The following NTNG2 variants were observed in gnomAD, a reference collection of about 807,000 sequenced individuals.
The protein encoded by NTNG2 is netrin G2, also known as netrin-G2.
Under a neutral mutation model 47.6 loss-of-function variants are expected in NTNG2, and 15 were observed. The observed-to-expected ratio is 0.32, with a 90% CI of 0.21 to 0.49. NTNG2 has a LOEUF of 0.49. NTNG2 is among the 20% of genes least tolerant of loss of function. NTNG2 has a pLI of 0.99. For missense variants in NTNG2, 578 were observed against 764.6 expected (o/e 0.76, Z 2.88); for synonymous variants, 307 against 324.6 (o/e 0.95, Z 0.58).
intron 2 of NTNG2, among the ~76,000 whole-genome samples, chr9:132,191,064 C>G (rs577036966): frequency 1.3e-5 from 2 of 152,328 alleles, no homozygotes; most frequent in African/African-American, 4.8e-5. Context: ...AGTGTCTTAT[C>G]TGAGACGTGG....
At chr9:132,170,312 C>G (rs1465554217) in intron 2 of NTNG2, among the ~76,000 whole-genome samples, 1 of 152,206 alleles carries the variant, frequency 6.6e-6, no homozygotes, top group African/African-American at 2.4e-5. Flanking sequence ...CCTATTGGCT[C>G]TAAATGCACA....
intron 3 of NTNG2, among the ~76,000 whole-genome samples, chr9:132,199,371 A>G (rs761967967): frequency 2.0e-5 from 3 of 152,214 alleles, no homozygotes; most frequent in Non-Finnish European, 4.4e-5. Flanking sequence ...ATTACAATGA[A>G]GGATACAGAT....
chr9:132,198,599 G>T lies in NTNG2; in HGVS notation c.847G>T (p.Val283Phe), dbSNP rs1176109708. The change falls in exon 3 of 8, where the codon GTC becomes TTC. Residue 283 changes from valine (V) to phenylalanine (F), a missense_variant. Transcript: ENST00000393229. Reference sequence around the variant, plus strand: ...CTTCTACGCCATCTCCAACATCGAGGTCATCGGCAGGTAAGGCCGGGGGAA... The same window carrying T: ...CTTCTACGCCATCTCCAACATCGAGTTCATCGGCAGGTAAGGCCGGGGGAA... The part of the protein sequence containing the change: ...KYFYAISNIE[V>F]IGRCKCNLHA... 1 of 1,606,342 alleles carries T rather than the reference G, an allele frequency of 6.2e-7. No homozygotes were observed. Among genetic ancestry groups the T allele is most frequent in the South Asian group, 1.1e-5 (1 of 90,924 alleles).
chr9:132,204,717 T>G (rs1427035282), intron 3 of NTNG2, among the ~76,000 whole-genome samples: 1 of 152,122 alleles, frequency 6.6e-6, no homozygotes, highest in Admixed American at 6.5e-5. Context: ...CCTCATTAAG[T>G]CCTATCCTGT....
At chr9:132,229,061 A>T (rs2130953690) in intron 4 of NTNG2, among the ~76,000 whole-genome samples, 1 of 150,756 alleles carries the variant, frequency 6.6e-6, no homozygotes, top group South Asian at 2.1e-4. Flanking sequence ...CTTAGGGGAG[A>T]CTCCTGAGCT....
chr9:132,172,903 G>C (rs1836039446), intron 2 of NTNG2, among the ~76,000 whole-genome samples: 1 of 151,906 alleles, frequency 6.6e-6, no homozygotes, highest in African/African-American at 2.4e-5. Context: ...CTAATTTTTT[G>C]TATTTTTAGT....
At chr9:132,241,518 CAGAG>C (rs970051711) in intron 7 of NTNG2, 51 of 342,648 alleles carry the variant, frequency 1.5e-4, no homozygotes, top group East Asian at 1.3e-3. Flanking sequence ...TTTGCGGGGA[CAGAG>C]GGAGGGAGGC....
intron 3 of NTNG2, among the ~76,000 whole-genome samples, chr9:132,206,667 A>G (rs1839190180): frequency 6.6e-6 from 1 of 152,244 alleles, no homozygotes; most frequent in East Asian, 1.9e-4. Context: ...ACTCCGTCTC[A>G]AAAAAATAAA....
intron 5 of NTNG2, among the ~76,000 whole-genome samples, chr9:132,234,066 C>A (rs1235076321): frequency 6.8e-6 from 1 of 146,584 alleles, no homozygotes; most frequent in Non-Finnish European, 1.5e-5. Flanking sequence ...TCGCTCTTGT[C>A]GCTGAGGCTG....
chr9:132,214,560 A>G (rs554716855), intron 3 of NTNG2, among the ~76,000 whole-genome samples: 4 of 152,324 alleles, frequency 2.6e-5, no homozygotes, highest in African/African-American at 9.6e-5. Flanking sequence ...CATTCAAGAA[A>G]AAGGGAAACT....
intron 2 of NTNG2, among the ~76,000 whole-genome samples, chr9:132,195,307 C>T (rs891300923): frequency 5.4e-5 from 8 of 149,090 alleles, no homozygotes; most frequent in African/African-American, 7.4e-5. Flanking sequence ...TTTTTGTTTT[C>T]GTTTTTGTTT....
intron 3 of NTNG2, among the ~76,000 whole-genome samples, chr9:132,217,572 AGAG>A (rs1055854300): frequency 2.0e-5 from 3 of 152,226 alleles, no homozygotes; most frequent in African/African-American, 7.2e-5. Flanking sequence ...GTTCCTGTGA[AGAG>A]GTGATAACTT....
intron 2 of NTNG2, among the ~76,000 whole-genome samples, chr9:132,172,854 C>A (rs1481826024): frequency 1.3e-5 from 2 of 151,940 alleles, no homozygotes; most frequent in African/African-American, 2.4e-5. Flanking sequence ...CTCAGCCTCC[C>A]CAGTAGCTGG....
At chr9:132,233,294 C>T (rs951338226) in intron 5 of NTNG2, 1 of 152,160 alleles carries the variant, frequency 6.6e-6, no homozygotes, top group African/African-American at 2.4e-5. Context: ...TGCACACACA[C>T]ACATGCATGC....
At position 132,163,516 on chromosome 9, in the gene NTNG2, C is replaced by T. The variant is rs1019154335; in HGVS notation, c.-484+1277C>T. On this transcript the variant is annotated intron_variant, in intron 1 of 7. Coordinates refer to ENST00000393229, the MANE Select transcript of NTNG2 (RefSeq NM_032536.4). The surrounding 1 kb of genome is among the most constrained non-coding windows in gnomAD (Gnocchi z 7.2). ...GCAGAGGACGGGAAGGTGACCCCGC[C>T]GGCCAAGCTCCCTTTCCCTCCCGGC... Among the ~76,000 whole-genome samples the T allele has an allele frequency of 4.6e-5, 7 of 152,240 alleles. No individual in the cohort carries two copies. The highest frequency in any genetic ancestry group is 7.2e-5 in the African/African-American group (3 of 41,550).
intron 5 of NTNG2, chr9:132,233,025 G>A (rs1186902388): frequency 6.6e-6 from 1 of 152,250 alleles, no homozygotes; most frequent in Admixed American, 6.5e-5. Flanking sequence ...AGGAGGCAGG[G>A]GCTAGCCAAA....
intron 4 of NTNG2, 61 bp from the exon 5 acceptor site, chr9:132,230,511 G>A (rs2130964687): frequency 6.5e-7 from 1 of 1,528,646 alleles, no homozygotes; most frequent in Non-Finnish European, 8.9e-7. Context: ...CCTCTGCAGG[G>A]AGGTGACACC....
At chr9:132,239,363 G>T in intron 6 of NTNG2, 92 bp downstream of exon 6, 1 of 1,239,646 alleles carries the variant, frequency 8.1e-7, no homozygotes. Flanking sequence ...CCCTGCATCA[G>T]AATCACCTGG....
Position 132,226,981 on chromosome 9 carries a change from C to A in NTNG2, c.990C>A (p.Ala330=). ...ATTTCCGCACCCGGTCCTGGCGGGCCGGCTCCTACCTGCCGCTGCCCCATG... is the reference window on the plus strand; with the variant it reads ...ATTTCCGCACCCGGTCCTGGCGGGCAGGCTCCTACCTGCCGCTGCCCCATG... ...KKNFRTRSWR[A]GSYLPLPHGS... The change falls in exon 4 of 8, where the codon GCC becomes GCA. Residue 330 remains alanine, a synonymous_variant. Transcript: ENST00000393229. The surrounding 1 kb of genome is among the most constrained non-coding windows in gnomAD (Gnocchi z 4.8). The A allele has an allele frequency of 6.2e-7, 1 of 1,610,220 alleles. No individual in the cohort carries two copies. Among genetic ancestry groups the A allele is most frequent in the African/African-American group, 1.3e-5 (1 of 75,034 alleles).
Sources: allele counts gnomAD v4.1 joint callset (sites outside exome capture counted in the v4.1 genomes callset), GRCh38; gene constraint gnomAD v4.1.1; non-coding constraint Gnocchi (gnomAD v3.1); transcripts MANE v1.5; gene names NCBI Gene and HGNC (gene_info 2026-07-23, HGNC 2026-07-21).